Variants in TBC1D2 observed in about 807,000 individuals in gnomAD.
TBC1D2 encodes the protein TBC1 domain family member 2A.
In TBC1D2, 58 loss-of-function variants were observed where a neutral mutation model predicts 91.1. The ratio of observed to expected loss-of-function variants is 0.64; its 90% CI spans 0.52 to 0.79. The LOEUF (loss-of-function observed/expected upper bound fraction) is 0.79. Among genes scored for constraint, TBC1D2 ranks in the 30% least tolerant of loss-of-function variants. The pLI is 0.00. For synonymous variants in TBC1D2, 482 were observed against 511.5 expected, an observed-to-expected ratio of 0.94 and a Z score of 0.78; for missense variants, 1,080 against 1,208.3, an observed-to-expected ratio of 0.89 and a Z score of 1.57.
Position 98,244,111 on chromosome 9 carries a change from A to G in TBC1D2, c.530T>C (p.Leu177Pro), listed in dbSNP as rs779957857. ...TTTCACAGGGCACAGGAACTCCTCC[A>G]GCTCTGCCTCTTCTTGCCCTGGGAA... is the stretch of plus-strand genomic sequence containing the variant. ...HLELGQEEAELEEFLCPVKTP... is the reference protein window; with the variant it reads ...HLELGQEEAEPEEFLCPVKTP... The change falls in exon 3 of 13, where the codon CTG becomes CCG. Residue 177 changes from leucine (L) to proline (P), a missense_variant. Coordinates refer to ENST00000465784, the MANE Select transcript of TBC1D2 (RefSeq NM_001267571.2). 6.2e-7 allele frequency: 1 copy of G among 1,613,176 alleles called. No homozygotes were observed. Among genetic ancestry groups the G allele is most frequent in the Non-Finnish European group, 8.5e-7 (1 of 1,179,722 alleles).
chr9:98,199,940 C>T (rs1732761112), intron 12 of TBC1D2, among the ~76,000 whole-genome samples: 1 of 152,176 alleles, frequency 6.6e-6, no homozygotes, highest in African/African-American at 2.4e-5. Context: ...GTAAAAGAAA[C>T]TGCAAGAGCA....
chr9:98,246,568 C>A (rs1279493518), intron 2 of TBC1D2, among the ~76,000 whole-genome samples: 1 of 151,994 alleles, frequency 6.6e-6, no homozygotes, highest in Non-Finnish European at 1.5e-5. Context: ...AGAATAAAAG[C>A]AGAAACTCAA....
At chr9:98,210,908 C>CCTGAGGT (rs1828821369) in intron 7 of TBC1D2, 65 bp from the exon 8 acceptor site, 1 of 1,454,000 alleles carries the variant, frequency 6.9e-7, no homozygotes, top group East Asian at 2.5e-5. Context: ...AGGCCTGAGG[C>CCTGAGGT]CTGAACAGCT....
chr9:98,252,933 C>T (rs1468669992), intron 1 of TBC1D2, among the ~76,000 whole-genome samples: 1 of 152,074 alleles, frequency 6.6e-6, no homozygotes, highest in Non-Finnish European at 1.5e-5. Context: ...TGAAAGTGAC[C>T]CTCAGGCTGT....
intron 7 of TBC1D2, 135 bp from the exon 8 acceptor site, chr9:98,210,978 A>T: frequency 9.5e-6 from 8 of 843,048 alleles, no homozygotes; most frequent in Non-Finnish European, 1.3e-5. Flanking sequence ...AGACCTTCGT[A>T]TAAGGGAAAG....
intron 6 of TBC1D2, chr9:98,213,464 A>C (rs1828900072): frequency 7.7e-7 from 1 of 1,298,710 alleles, no homozygotes; most frequent in Non-Finnish European, 9.9e-7. Context: ...TCTGGCTGGA[A>C]GGCCTCAGGC....
At chr9:98,222,648 G>C (rs552918145) in intron 5 of TBC1D2, among the ~76,000 whole-genome samples, 2 of 152,322 alleles carry the variant, frequency 1.3e-5, no homozygotes, top group South Asian at 4.1e-4. Context: ...CCAGGATCAG[G>C]ACATCAGCAG....
chr9:98,238,433 G>A (rs181611630), intron 3 of TBC1D2, among the ~76,000 whole-genome samples: 1 of 136,868 alleles, frequency 7.3e-6, no homozygotes, highest in East Asian at 1.9e-4. Context: ...TTTCTATATT[G>A]ATCTTGAATC....
At chr9:98,211,846 G>A (rs1384110759) in intron 7 of TBC1D2, among the ~76,000 whole-genome samples, 3 of 150,448 alleles carry the variant, frequency 2.0e-5, no homozygotes, top group African/African-American at 7.4e-5. Flanking sequence ...CATCCAAGCT[G>A]GAGTGCAGTG....
chr9:98,249,067 G>A (rs1293852357), intron 2 of TBC1D2, among the ~76,000 whole-genome samples: 3 of 152,152 alleles, frequency 2.0e-5, no homozygotes, highest in South Asian at 2.1e-4. Flanking sequence ...GGAGGCGGGC[G>A]AGGTGGGGCA....
At chr9:98,250,826 G>C (rs1245582223) in intron 2 of TBC1D2, among the ~76,000 whole-genome samples, 1 of 152,158 alleles carries the variant, frequency 6.6e-6, no homozygotes, top group Non-Finnish European at 1.5e-5. Flanking sequence ...GGTCCATACC[G>C]ATCCTAAAAC....
Position 98,255,573 on chromosome 9 carries a change from G to C in TBC1D2, c.-32C>G, listed in dbSNP as rs1829960252. 1 of 1,475,934 alleles carries C rather than the reference G, an allele frequency of 6.8e-7. No homozygotes were observed. The highest frequency in any genetic ancestry group is 2.5e-5 in the Admixed American group (1 of 40,174). 91.4% of individuals were successfully genotyped at this position (1,475,934 alleles called of 1,614,324 possible). On this transcript the variant is annotated 5_prime_UTR_variant, in exon 1 of 13. Coordinates refer to ENST00000465784, the MANE Select transcript of TBC1D2 (RefSeq NM_001267571.2). The stretch of plus-strand genomic sequence containing the variant: ...CAGCCGGAGACTGCGGAGGGACGAG[G>C]GGTCCGCGGGACCACCAGGGACAAA...
chr9:98,216,440 G>A (rs115538380), intron 6 of TBC1D2, among the ~76,000 whole-genome samples: 60 of 152,294 alleles, frequency 3.9e-4, no homozygotes, highest in African/African-American at 1.3e-3. Flanking sequence ...ACAAGGCTGT[G>A]GGATAACTAT....
At chr9:98,235,347 G>C in intron 3 of TBC1D2, 1 of 435,082 alleles carries the variant, frequency 2.3e-6, no homozygotes, top group Non-Finnish European at 4.6e-6. Context: ...AATGAGCTAC[G>C]TAATCTAGAT....
At chr9:98,211,395 C>T (rs1214525273) in intron 7 of TBC1D2, among the ~76,000 whole-genome samples, 4 of 152,150 alleles carry the variant, frequency 2.6e-5, no homozygotes, top group Non-Finnish European at 5.9e-5. Context: ...CTCCAACACA[C>T]ACCCCTCCCA....
At chr9:98,210,577 G>T in intron 8 of TBC1D2, 79 bp downstream of exon 8, 4 of 1,375,742 alleles carry the variant, frequency 2.9e-6, no homozygotes, top group Non-Finnish European at 2.9e-6. Context: ...GTACATGGTT[G>T]GCAGGACCTG....
At position 98,201,663 on chromosome 9, in the gene TBC1D2, A is replaced by G. The variant is rs748401585; in HGVS notation, c.2273T>C (p.Val758Ala). Residue 758 changes from valine (V) to alanine (A), a missense_variant and splice_region_variant, in exon 11 of 13, where the codon GTG (valine) becomes GCG (alanine). Transcript: ENST00000465784. ...CAGGTCCTGGAGCACCCGCTGGTCC[A>G]CCTGGAAGCCAGCGAGAGGGCCTGT... ...YYCNTLTASQ[V>A]DQRVLQDLLS... 1.2e-6 allele frequency: 2 copies of G among 1,609,042 alleles called. No individual in the cohort carries two copies. Among genetic ancestry groups the G allele is most frequent in the South Asian group, 1.1e-5 (1 of 90,860 alleles).
intron 3 of TBC1D2, among the ~76,000 whole-genome samples, chr9:98,241,146 G>A (rs1364708390): frequency 2.0e-5 from 3 of 152,158 alleles, no homozygotes; most frequent in Non-Finnish European, 2.9e-5. Context: ...GACCAATGAA[G>A]TAAATACTAT....
intron 2 of TBC1D2, among the ~76,000 whole-genome samples, chr9:98,245,269 A>G (rs1397793283): frequency 6.7e-6 from 1 of 149,428 alleles, no homozygotes; most frequent in Non-Finnish European, 1.5e-5. Context: ...CAAAACAAAA[A>G]CAAACAAAAA....
Sources: allele counts gnomAD v4.1 joint callset (sites outside exome capture counted in the v4.1 genomes callset), GRCh38; gene constraint gnomAD v4.1.1; transcripts MANE v1.5; gene names NCBI Gene and HGNC (gene_info 2026-07-23, HGNC 2026-07-21).